PDE10A: variants seen among roughly 807,000 people sequenced by gnomAD.
The protein encoded by PDE10A is cAMP and cAMP-inhibited cGMP 3',5'-cyclic phosphodiesterase 10A.
PDE10A carries 39 observed loss-of-function variants against 97.7 expected under a neutral mutation model. The observed-to-expected ratio is 0.40, with a 90% CI of 0.31 to 0.52. The LOEUF (loss-of-function observed/expected upper bound fraction) is 0.52, where lower values mean the gene tolerates loss of function less well. Ranked by LOEUF, PDE10A falls within the 20% of genes least tolerant of loss-of-function variation. The pLI, the probability that PDE10A is intolerant of heterozygous loss-of-function variation, is 0.56. For synonymous variants in PDE10A, 371 were observed against 376.8 expected, an observed-to-expected ratio of 0.98 and a Z score of 0.18; for missense variants, 731 against 1,047.8, an observed-to-expected ratio of 0.70 and a Z score of 4.17.
intron 1 of PDE10A, among the ~76,000 whole-genome samples, chr6:165,730,729 G>A (rs546107390): frequency 2.9e-5 from 4 of 139,844 alleles, no homozygotes; most frequent in African/African-American, 1.1e-4. Flanking sequence ...ATCCAGCCTG[G>A]GCGACAGAGT....
chr6:165,494,463 GGT>G lies in PDE10A; in HGVS notation c.995-12122_995-12121del, dbSNP rs1300812450. Among the ~76,000 whole-genome samples, 101 of 146,488 alleles carry G rather than the reference GGT, an allele frequency of 6.9e-4. 1 individual carries two copies. Among genetic ancestry groups the G allele is most frequent in the African/African-American group, 8.4e-4 (33 of 39,414 alleles). Reference sequence around the variant, plus strand: ...AGTGGATAAAGAAAATGTGGGGGGGGGTGTGTGTGTGTGTAATACACACAACA... The same window carrying G: ...AGTGGATAAAGAAAATGTGGGGGGGGGTGTGTGTGTGTAATACACACAACA... On this transcript the variant is annotated intron_variant, in intron 2 of 21. Coordinates refer to ENST00000539869, the MANE Select transcript of PDE10A (RefSeq NM_001385079.1).
chr6:165,890,224 A>G (rs1195393779), intron 1 of PDE10A, among the ~76,000 whole-genome samples: 1 of 152,104 alleles, frequency 6.6e-6, no homozygotes, highest in Non-Finnish European at 1.5e-5. Flanking sequence ...AGTCACCCCC[A>G]GACTTTCCCC....
chr6:165,663,848 A>T (rs998927346), upstream of PDE10A, among the ~76,000 whole-genome samples: 7 of 151,830 alleles, frequency 4.6e-5, no homozygotes, highest in African/African-American at 1.7e-4. Context: ...TCTCTTGGAC[A>T]CCCCCACCCC....
intron 1 of PDE10A, among the ~76,000 whole-genome samples, chr6:165,857,267 G>C (rs1032670867): frequency 2.0e-5 from 3 of 152,188 alleles, no homozygotes; most frequent in African/African-American, 7.2e-5. Context: ...TGGCCAGAGA[G>C]TTTTGACCCG....
At chr6:165,974,105 A>G (rs1784778417) in intron 1 of PDE10A, among the ~76,000 whole-genome samples, 1 of 152,264 alleles carries the variant, frequency 6.6e-6, no homozygotes, top group South Asian at 2.1e-4. Context: ...TATCACTAGT[A>G]GCTAGAGGAG....
chr6:165,587,379 C>G (rs925072263), intron 1 of PDE10A, among the ~76,000 whole-genome samples: 3 of 152,170 alleles, frequency 2.0e-5, no homozygotes, highest in African/African-American at 7.2e-5. Context: ...ATACGTGTCT[C>G]ATGCACAGCA....
rs1433164358 is a variant in PDE10A at position 165,655,627 on chromosome 6, G to C, written c.865+6320C>G. Reference sequence around the variant, plus strand: ...TGCTCTTGTCTTGACTATGACAGTAGCATCCATGGACTCCCTGTATCCACG... The same window carrying C: ...TGCTCTTGTCTTGACTATGACAGTACCATCCATGGACTCCCTGTATCCACG... On this transcript the variant is annotated intron_variant, in intron 1 of 21. Transcript: ENST00000539869. The surrounding 1 kb of genome is among the most constrained non-coding windows in gnomAD (Gnocchi z 4.5). 1.3e-5 allele frequency among the ~76,000 whole-genome samples: 2 copies of C among 152,122 alleles called. No individual in the cohort carries two copies. The highest frequency in any genetic ancestry group is 3.9e-4 in the East Asian group (2 of 5,188).
In PDE10A at chr6:165,596,426, T is replaced by C. The variant is rs552732882; in HGVS notation, c.866-52858A>G. ...TTAGGAAGTCAGATCAGGTCACTTA[T>C]CTGCTTAAAACTCTTCAATGAACCA... On this transcript the variant is annotated intron_variant, in intron 1 of 21. Transcript: ENST00000539869. Among the ~76,000 whole-genome samples the C allele has an allele frequency of 2.6e-5, 4 of 152,292 alleles. 1 individual carries two copies. Among genetic ancestry groups the C allele is most frequent in the African/African-American group, 9.6e-5 (4 of 41,562 alleles).
chr6:165,450,133 G>T (rs1340502561), intron 4 of PDE10A, 109 bp downstream of exon 4: 3 of 694,482 alleles, frequency 4.3e-6, no homozygotes, highest in Non-Finnish European at 4.8e-6. Flanking sequence ...TCCAGAAATA[G>T]AAGTAAATAT....
At chr6:165,840,405 A>G (rs1415038646) in intron 1 of PDE10A, among the ~76,000 whole-genome samples, 1 of 152,228 alleles carries the variant, frequency 6.6e-6, no homozygotes, top group East Asian at 1.9e-4. Context: ...GCTCCATTCT[A>G]GAGCTGATCC....
intron 18 of PDE10A, among the ~76,000 whole-genome samples, chr6:165,344,151 C>G (rs543573402): frequency 2.2e-3 from 332 of 152,080 alleles, no homozygotes; most frequent in African/African-American, 7.8e-3. Flanking sequence ...TAACTAGGTG[C>G]TCCATGTCTG....
chr6:165,878,218 T>C (rs933689826), intron 1 of PDE10A, among the ~76,000 whole-genome samples: 4 of 152,228 alleles, frequency 2.6e-5, no homozygotes, highest in African/African-American at 7.2e-5. Flanking sequence ...TCTAGTCTTA[T>C]ATGAACAGCA....
At chr6:165,925,807 T>A (rs1428859829) in intron 1 of PDE10A, among the ~76,000 whole-genome samples, 5 of 152,204 alleles carry the variant, frequency 3.3e-5, no homozygotes, top group Admixed American at 6.5e-5. Flanking sequence ...ACTATGCCAG[T>A]GGTGGTCAAA....
chr6:165,430,431 T>C, intron 8 of PDE10A, 86 bp from the exon 9 acceptor site: 2 of 788,134 alleles, frequency 2.5e-6, no homozygotes, highest in South Asian at 1.6e-5. Context: ...ACCTTATTTA[T>C]TGAAAGAAGG....
chr6:165,638,667 A>G (rs912824324), intron 1 of PDE10A, among the ~76,000 whole-genome samples: 4 of 152,232 alleles, frequency 2.6e-5, no homozygotes, highest in Non-Finnish European at 4.4e-5. Flanking sequence ...TTCATCATTA[A>G]AATATATACT....
At position 165,677,203 on chromosome 6, in the gene PDE10A, C is replaced by A. The variant is rs150939864; in HGVS notation, c.-614-133635G>T. ...GTCCACGGTGTGGCTGGGCCTCATC[C>A]GATCAGTGGACGACTTCAAGAGAAA... On this transcript the variant is annotated intron_variant, in intron 1 of 19. Coordinates refer to the PDE10A transcript ENST00000366882. Among the ~76,000 whole-genome samples the A allele has an allele frequency of 6.4e-4, 97 of 152,292 alleles. 1 individual carries two copies. The East Asian group carries it at 0.017, about 26-fold the overall frequency.
At chr6:165,964,479 G>A (rs989833226) in intron 1 of PDE10A, among the ~76,000 whole-genome samples, 4 of 152,300 alleles carry the variant, frequency 2.6e-5, no homozygotes, top group Non-Finnish European at 2.9e-5. Flanking sequence ...AAATCTGGGC[G>A]TAATGGTCTG....
intron 1 of PDE10A, among the ~76,000 whole-genome samples, chr6:165,874,383 A>T (rs76932520): frequency 5.3e-5 from 8 of 151,892 alleles, no homozygotes; most frequent in South Asian, 4.2e-4. Context: ...AGAAAAAAAA[A>T]ATTTAGCCAG....
chr6:165,631,840 G>C (rs529466057), intron 1 of PDE10A, among the ~76,000 whole-genome samples: 18 of 151,970 alleles, frequency 1.2e-4, no homozygotes, highest in African/African-American at 3.6e-4. Flanking sequence ...GAAAATAAAC[G>C]ACCACCCAAA....
Sources: gnomAD v4.1 joint callset for allele counts (sites outside exome capture counted in the v4.1 genomes callset) on GRCh38, gnomAD v4.1.1 for gene constraint, Gnocchi (gnomAD v3.1) non-coding constraint, MANE v1.5 for transcripts, NCBI Gene and HGNC (gene_info 2026-07-23, HGNC 2026-07-21) for gene names.